The following ARGFX variants were observed in gnomAD, a reference collection of about 807,000 sequenced individuals.
ARGFX encodes arginine-fifty homeobox.
In ARGFX, 10 loss-of-function variants were observed where a neutral mutation model predicts 8.0. That is an observed-to-expected ratio of 1.25 (90% CI 0.77 to 2.12). ARGFX has a LOEUF of 2.12. Ranked by LOEUF, ARGFX falls within the 30% of genes most tolerant of loss-of-function variation. The pLI is 0.00. For synonymous variants in ARGFX, 116 were observed against 117.8 expected, an observed-to-expected ratio of 0.98 and a Z score of 0.10; for missense variants, 282 against 324.3, an observed-to-expected ratio of 0.87 and a Z score of 1.00.
In ARGFX at chr3:121,589,526, G is replaced by A. The variant is rs543619530; in HGVS notation, c.*2926G>A. On this transcript the variant is annotated 3_prime_UTR_variant, in exon 5 of 5. Coordinates refer to ENST00000334384, the MANE Select transcript of ARGFX (RefSeq NM_001012659.2). ...CAAGTAGCTGGGACTACAGGTGTAC[G>A]CCACCACACCCAGCTAATTTTTGTA... 3.5e-4 allele frequency among the ~76,000 whole-genome samples: 53 copies of A among 152,124 alleles called. No individual in the cohort carries two copies. The highest frequency in any genetic ancestry group is 1.2e-3 in the African/African-American group (48 of 41,488).
chr3:121,587,256 T>G lies in ARGFX; in HGVS notation c.*656T>G, dbSNP rs2048818000. Among the ~76,000 whole-genome samples, 1 of 152,152 alleles carries G rather than the reference T, an allele frequency of 6.6e-6. No homozygotes were observed. The highest frequency in any genetic ancestry group is 1.5e-5 in the Non-Finnish European group (1 of 68,028). On this transcript the variant is annotated 3_prime_UTR_variant, in exon 5 of 5. Coordinates refer to ENST00000334384, the MANE Select transcript of ARGFX (RefSeq NM_001012659.2). ...TAGTAGAGACGGGGTTTCACCACGT[T>G]GCCCAGGCTGGTCTTGAACTCCTGA...
intron 1 of ARGFX, among the ~76,000 whole-genome samples, chr3:121,569,017 G>C (rs1315176093): frequency 6.6e-6 from 1 of 152,092 alleles, no homozygotes; most frequent in Non-Finnish European, 1.5e-5. Context: ...TGAAAACTGA[G>C]ATTAAAATAT....
chr3:121,588,523 G>T lies in ARGFX; in HGVS notation c.*1923G>T. On this transcript the variant is annotated 3_prime_UTR_variant, in exon 5 of 5. Coordinates refer to ENST00000334384, the MANE Select transcript of ARGFX (RefSeq NM_001012659.2). The stretch of plus-strand genomic sequence containing the variant: ...AAAATAAAAAATAAAAGAAACATAA[G>T]ATAAGTACCTCTCAATGAAAAATGT... Among the ~76,000 whole-genome samples, 1 of 150,842 alleles carries T rather than the reference G, an allele frequency of 6.6e-6. No individual in the cohort carries two copies. Among genetic ancestry groups the T allele is most frequent in the African/African-American group, 2.4e-5 (1 of 41,368 alleles).
At chr3:121,584,505 A>C (rs2048800209) in intron 3 of ARGFX, among the ~76,000 whole-genome samples, 1 of 152,182 alleles carries the variant, frequency 6.6e-6, no homozygotes, top group African/African-American at 2.4e-5. Flanking sequence ...AGTGTGAAAA[A>C]GATGAGAAGA....
intron 3 of ARGFX, among the ~76,000 whole-genome samples, chr3:121,577,445 G>C (rs553320454): frequency 9.3e-5 from 14 of 151,238 alleles, no homozygotes; most frequent in Admixed American, 5.9e-4. Flanking sequence ...GTAGAGACAG[G>C]GTTTCACCAT....
rs768676383 is a variant in ARGFX at position 121,586,032 on chromosome 3, G to A, written c.380G>A (p.Arg127Lys). ...LPESTVKVWF[R>K]NRRFKLKKQQ... is the part of the protein sequence containing the mutation. ...TTCCCCTACTCCCAGGTTTGGTTCA[G>A]GAACCGGCGATTCAAATTGAAGAAG... The change falls in exon 5 of 5, where the codon AGG (arginine) becomes AAG (lysine). Residue 127 changes from arginine to lysine, a missense_variant. Transcript: ENST00000334384. The A allele has an allele frequency of 2.5e-6, 4 of 1,574,912 alleles. No homozygotes were observed. In the East Asian group the frequency reaches 9.0e-5, roughly 35 times the overall value.
intron 3 of ARGFX, among the ~76,000 whole-genome samples, chr3:121,579,412 G>C (rs1445886669): frequency 1.3e-5 from 2 of 151,984 alleles, no homozygotes. Context: ...AGTATATAAT[G>C]TTTATTTCCA....
At chr3:121,585,184 C>T in intron 4 of ARGFX, 119 bp downstream of exon 4, 4 of 1,154,100 alleles carry the variant, frequency 3.5e-6, no homozygotes, top group Non-Finnish European at 3.6e-6. Context: ...TGAGTACCTA[C>T]TGAAACGGTA....
At chr3:121,585,581 C>A in intron 4 of ARGFX, among the ~76,000 whole-genome samples, 1 of 152,056 alleles carries the variant, frequency 6.6e-6, no homozygotes, top group African/African-American at 2.4e-5. Context: ...CTCAAGTGAT[C>A]CTCTCACCTC....
At position 121,589,950 on chromosome 3, in the gene ARGFX, A is replaced by T. The variant is rs565385730; in HGVS notation, c.*3350A>T. Among the ~76,000 whole-genome samples, 2 of 152,238 alleles carry T rather than the reference A, an allele frequency of 1.3e-5. No individual in the cohort carries two copies. The highest frequency in any genetic ancestry group is 4.8e-5 in the African/African-American group (2 of 41,552). On this transcript the variant is annotated 3_prime_UTR_variant, in exon 5 of 5. Transcript: ENST00000334384. Reference sequence around the variant, plus strand: ...AACAGAAATAAATGAAATAGAGAATAGAAAAGCAATACAGAAAAAAAATTA... The same window carrying T: ...AACAGAAATAAATGAAATAGAGAATTGAAAAGCAATACAGAAAAAAAATTA...
At chr3:121,580,748 G>A (rs2048774311) in intron 3 of ARGFX, among the ~76,000 whole-genome samples, 1 of 151,210 alleles carries the variant, frequency 6.6e-6, no homozygotes. Flanking sequence ...GGGATTACAG[G>A]TGTGTGCCAC....
chr3:121,589,410 A>T lies in ARGFX; in HGVS notation c.*2810A>T, dbSNP rs2048832835. Among the ~76,000 whole-genome samples, 1 of 152,194 alleles carries T rather than the reference A, an allele frequency of 6.6e-6. No homozygotes were observed. Among genetic ancestry groups the T allele is most frequent in the Non-Finnish European group, 1.5e-5 (1 of 68,044 alleles). On this transcript the variant is annotated 3_prime_UTR_variant, in exon 5 of 5. Transcript: ENST00000334384. ...TTCAAGGCAAAACTTTTTTATTGAG[A>T]TGGAGTCTTGCTCTGTCACCCAGGC...
intron 2 of ARGFX, 21 bp downstream of exon 2, chr3:121,570,837 T>C: frequency 6.6e-7 from 1 of 1,521,516 alleles, no homozygotes; most frequent in South Asian, 1.3e-5. Flanking sequence ...TCCTTCTTTG[T>C]CCTCTTTCCT....
chr3:121,586,179 A>G lies in ARGFX; in HGVS notation c.527A>G (p.Tyr176Cys), dbSNP rs149627701. Residue 176 changes from tyrosine (Y) to cysteine (C), a missense_variant, in exon 5 of 5, where the codon TAC becomes TGC. Transcript: ENST00000334384. Reference sequence around the variant, plus strand: ...TTTTCTCCTGTGATTTCAGATTTCTACAGCTCCCTTCCATCTCAGCCCTTA... The same window carrying G: ...TTTTCTCCTGTGATTTCAGATTTCTGCAGCTCCCTTCCATCTCAGCCCTTA... ...YAFSPVISDFYSSLPSQPLDP... is the reference protein window; with the variant it reads ...YAFSPVISDFCSSLPSQPLDP... 17 of 1,613,840 alleles carry G rather than the reference A, an allele frequency of 1.1e-5. No homozygotes were observed. The African/African-American group carries it at 2.3e-4, about 22-fold the overall frequency.
chr3:121,583,639 A>C (rs1057186506), intron 3 of ARGFX, among the ~76,000 whole-genome samples: 4 of 151,306 alleles, frequency 2.6e-5, no homozygotes, highest in African/African-American at 9.7e-5. Context: ...CAATCCTCCC[A>C]CCTCAGCCTC....
intron 3 of ARGFX, among the ~76,000 whole-genome samples, chr3:121,577,226 C>CACATATATAT (rs2048744182): frequency 2.3e-5 from 2 of 87,134 alleles, no homozygotes; most frequent in African/African-American, 1.0e-4. Context: ...TCTACATGTA[C>CACATATATAT]ATATATATAT....
At chr3:121,580,098 G>A (rs1047443735) in intron 3 of ARGFX, among the ~76,000 whole-genome samples, 2 of 151,314 alleles carry the variant, frequency 1.3e-5, no homozygotes, top group East Asian at 1.9e-4. Context: ...GAATACAGGT[G>A]CGTGCCACTA....
intron 4 of ARGFX, 121 bp downstream of exon 4, chr3:121,585,186 G>A: frequency 1.7e-6 from 2 of 1,146,704 alleles, no homozygotes; most frequent in Non-Finnish European, 2.4e-6. Context: ...AGTACCTACT[G>A]AAACGGTATC....
rs373390328 is a variant in ARGFX at position 121,577,185 on chromosome 3, A to G, written c.220+285A>G. ...TTATAAAGAAAAGTGTGTTGTGTAT[A>G]TATGTATGTGTGTATGTATATATAT... is the stretch of plus-strand genomic sequence containing the variant. On this transcript the variant is annotated intron_variant, in intron 3 of 4. Coordinates refer to ENST00000334384, the MANE Select transcript of ARGFX (RefSeq NM_001012659.2). 1.5e-4 allele frequency among the ~76,000 whole-genome samples: 19 copies of G among 129,998 alleles called. No individual in the cohort carries two copies. In the East Asian group the frequency reaches 3.1e-3, roughly 21 times the overall value. 85.3% of individuals were successfully genotyped at this position (129,998 alleles called of 152,430 possible).
Sources: gnomAD v4.1 joint callset for allele counts (sites outside exome capture counted in the v4.1 genomes callset) on GRCh38, gnomAD v4.1.1 for gene constraint, MANE v1.5 for transcripts, NCBI Gene and HGNC (gene_info 2026-07-23, HGNC 2026-07-21) for gene names.